The following METTL15 variants were observed in gnomAD, a reference collection of about 807,000 sequenced individuals.
METTL15 encodes the protein methyltransferase 15, mitochondrial 12S rRNA N4-cytidine.
METTL15 carries 34 observed loss-of-function variants against 38.3 expected under a neutral mutation model. The observed-to-expected ratio is 0.89, with a 90% CI of 0.68 to 1.18. METTL15 has a LOEUF of 1.18. Among genes scored for constraint, METTL15 ranks in the 50% most tolerant of loss-of-function variants. METTL15 has a pLI of 0.00. For missense variants in METTL15, 438 were observed against 498.4 expected (o/e 0.88, Z 1.15); for synonymous variants, 162 against 170.9 (o/e 0.95, Z 0.41).
At chr11:28,378,412 G>C (rs978916253) in intron 5 of METTL15, among the ~76,000 whole-genome samples, 3 of 152,192 alleles carry the variant, frequency 2.0e-5, no homozygotes, top group Non-Finnish European at 4.4e-5. Context: ...GGAGTGAACC[G>C]ATTTTCCAGG....
chr11:28,150,507 A>G (rs1850043261), intron 3 of METTL15, among the ~76,000 whole-genome samples: 1 of 151,996 alleles, frequency 6.6e-6, no homozygotes, highest in East Asian at 1.9e-4. Context: ...GAAAATTAAA[A>G]GGAGAAAAGG....
At chr11:28,248,282 G>A (rs902957550) in intron 4 of METTL15, among the ~76,000 whole-genome samples, 8 of 152,040 alleles carry the variant, frequency 5.3e-5, no homozygotes, top group African/African-American at 1.7e-4. Context: ...GGGAGACAAG[G>A]AAGCTCCATC....
At chr11:28,302,326 A>T (rs529643242) in intron 6 of METTL15, among the ~76,000 whole-genome samples, 1 of 152,310 alleles carries the variant, frequency 6.6e-6, no homozygotes, top group East Asian at 1.9e-4. Flanking sequence ...CGTTAATTTT[A>T]AAAATTGATG....
At chr11:28,310,911 CTGCTGGTGGTGG>C (rs1857259825) in intron 6 of METTL15, among the ~76,000 whole-genome samples, 5 of 84,806 alleles carry the variant, frequency 5.9e-5, no homozygotes, top group Non-Finnish European at 1.0e-4. Context: ...GCTGCTGCTG[CTGCTGGTGGTGG>C]TGGTGGTGGT....
chr11:28,134,413 T>TGGACATA, intron 3 of METTL15: 2 of 396,542 alleles, frequency 5.0e-6, no homozygotes, highest in Non-Finnish European at 8.9e-6. Flanking sequence ...TAGTTGGCGG[T>TGGACATA]GGACATATTT....
intron 5 of METTL15, among the ~76,000 whole-genome samples, chr11:28,407,282 T>C (rs1242735473): frequency 1.3e-5 from 2 of 152,092 alleles, no homozygotes; most frequent in African/African-American, 4.8e-5. Flanking sequence ...ACGTCAAAAG[T>C]ATTTGCAACA....
chr11:28,352,421 A>G (rs771594186), intron 4 of METTL15, among the ~76,000 whole-genome samples: 35 of 152,136 alleles, frequency 2.3e-4, no homozygotes, highest in Non-Finnish European at 3.7e-4. Context: ...CAATCAGTAA[A>G]TATTTGTGGA....
chr11:28,417,534 G>A (rs1349805465), intron 5 of METTL15, among the ~76,000 whole-genome samples: 2 of 152,160 alleles, frequency 1.3e-5, no homozygotes, highest in East Asian at 1.9e-4. Context: ...GCTGAAATAT[G>A]ATTTAAACTT....
intron 5 of METTL15, among the ~76,000 whole-genome samples, chr11:28,396,623 C>A (rs1219502902): frequency 1.3e-5 from 2 of 152,132 alleles, no homozygotes; most frequent in African/African-American, 4.8e-5. Flanking sequence ...ATTCCATGCT[C>A]ATGGATAGGA....
chr11:28,379,142 T>C (rs1329952324), intron 5 of METTL15, among the ~76,000 whole-genome samples: 4 of 151,958 alleles, frequency 2.6e-5, no homozygotes, highest in Non-Finnish European at 5.9e-5. Flanking sequence ...TTGATTTTAT[T>C]TATCTTTTCA....
intron 4 of METTL15, among the ~76,000 whole-genome samples, chr11:28,275,060 A>C (rs1486066470): frequency 6.6e-6 from 1 of 151,794 alleles, no homozygotes; most frequent in Admixed American, 6.6e-5. Context: ...ACCTCAAGGA[A>C]CTAGAAAAAC....
At chr11:28,482,738 A>G (rs1257905277) in intron 6 of METTL15, among the ~76,000 whole-genome samples, 1 of 152,168 alleles carries the variant, frequency 6.6e-6, no homozygotes, top group African/African-American at 2.4e-5. Context: ...CTTGCTAGAA[A>G]TGCAAATTTC....
intron 6 of METTL15, among the ~76,000 whole-genome samples, chr11:28,308,912 A>ATAGATAGG (rs141927807): frequency 6.6e-6 from 1 of 151,916 alleles, no homozygotes; most frequent in African/African-American, 2.4e-5. Context: ...AGATAGATAG[A>ATAGATAGG]TAGATAGATA....
intron 5 of METTL15, among the ~76,000 whole-genome samples, chr11:28,291,814 G>C (rs999604934): frequency 2.6e-5 from 4 of 152,064 alleles, no homozygotes; most frequent in Non-Finnish European, 5.9e-5. Flanking sequence ...GTTACTAGTA[G>C]TAAATCCCAT....
intron 6 of METTL15, among the ~76,000 whole-genome samples, chr11:28,470,233 C>G (rs1851291670): frequency 6.6e-6 from 1 of 152,044 alleles, no homozygotes; most frequent in African/African-American, 2.4e-5. Context: ...TCCTCTTACC[C>G]CCTTATACTG....
At chr11:28,257,345 T>G (rs1203159626) in intron 4 of METTL15, among the ~76,000 whole-genome samples, 1 of 152,204 alleles carries the variant, frequency 6.6e-6, no homozygotes, top group Non-Finnish European at 1.5e-5. Context: ...GGGAGTCTGA[T>G]GATTAAATGC....
At chr11:28,406,307 G>C (rs1033356795) in intron 5 of METTL15, among the ~76,000 whole-genome samples, 1 of 152,140 alleles carries the variant, frequency 6.6e-6, no homozygotes, top group Middle Eastern at 3.4e-3. Context: ...CTTGTTAGCT[G>C]TATTCCTAGG....
intron 4 of METTL15, among the ~76,000 whole-genome samples, chr11:28,357,090 C>T (rs1052187101): frequency 2.0e-5 from 3 of 152,160 alleles, no homozygotes; most frequent in African/African-American, 7.2e-5. Context: ...TTATTTCCTG[C>T]TCTTCGTAGG....
chr11:28,211,492 C>T (rs186431678), intron 4 of METTL15, among the ~76,000 whole-genome samples: 1 of 152,102 alleles, frequency 6.6e-6, no homozygotes, highest in East Asian at 1.9e-4. Flanking sequence ...GACAATAACT[C>T]ATAGTCAAAA....
Sources: allele counts gnomAD v4.1 joint callset (sites outside exome capture counted in the v4.1 genomes callset), GRCh38; gene constraint gnomAD v4.1.1; transcripts MANE v1.5; gene names NCBI Gene and HGNC (gene_info 2026-07-23, HGNC 2026-07-21).